ZYX: variants seen among roughly 807,000 people sequenced by gnomAD.
ZYX encodes zyxin-2.
ZYX carries 37 observed loss-of-function variants against 58.1 expected under a neutral mutation model. That is an observed-to-expected ratio of 0.64 (90% CI 0.49 to 0.84). The LOEUF (loss-of-function observed/expected upper bound fraction) is 0.84. Ranked by LOEUF, ZYX falls within the 40% of genes least tolerant of loss-of-function variation. The probability of loss-of-function intolerance (pLI) is 0.00; values close to 1 mark genes in which losing one functional copy is unlikely to be tolerated. For missense variants in ZYX, 762 were observed against 761.6 expected (o/e 1.00, Z -0.01); for synonymous variants, 324 against 321.1 (o/e 1.01, Z -0.10).
rs1804697640 is a variant in ZYX at position 143,382,989 on chromosome 7, C to A, written c.690C>A (p.Pro230=). The change falls in exon 5 of 10, where the codon CCC becomes CCA. Residue 230 remains proline, a synonymous_variant. Coordinates refer to ENST00000322764, the MANE Select transcript of ZYX (RefSeq NM_003461.5). The part of the protein sequence containing the change: ...TQFHVQPQPQ[P]KPQVQLHVQS... ...TCCATGTTCAGCCCCAGCCCCAGCC[C>A]AAGCCTCAGGTCCAACTCCATGTCC... The A allele has an allele frequency of 1.2e-6, 2 of 1,613,484 alleles. No homozygotes were observed. Among genetic ancestry groups the A allele is most frequent in the South Asian group, 2.2e-5 (2 of 91,052 alleles).
Position 143,381,666 on chromosome 7 carries a change from C to T in ZYX, c.95C>T (p.Pro32Leu). The change falls in exon 2 of 10, where the codon CCA becomes CTA. Residue 32 changes from proline to leucine, a missense_variant. Transcript: ENST00000322764. Reference protein sequence around the residue: ...PQKKFGPVVAPKPKVNPFRPG... With the variant: ...PQKKFGPVVALKPKVNPFRPG... ...AAGAAGTTCGGCCCTGTGGTGGCCC[C>T]AAAGCCCAAAGTGAATCCCTTCCGG... 2 of 1,611,738 alleles carry T rather than the reference C, an allele frequency of 1.2e-6. No individual in the cohort carries two copies. The highest frequency in any genetic ancestry group is 1.7e-6 in the Non-Finnish European group (2 of 1,179,378).
Position 143,381,591 on chromosome 7 carries a change from CT to C in ZYX, c.21del (p.Ala9ArgfsTer28). On this transcript the variant is annotated frameshift_variant, in exon 2 of 10. Coordinates refer to ENST00000322764, the MANE Select transcript of ZYX (RefSeq NM_003461.5). LOFTEE classifies it high-confidence loss of function. Reference protein sequence around the residue: MAAPRPSPAISVSVSAP... With the variant: MAAPRPXPAISVSVSAP... ...CCGGCCATGGCGGCCCCCCGCCCGT[CT>C]CCCGCGATCTCCGTTTCGGTCTCGG... 1 of 1,611,016 alleles carries C rather than the reference CT, an allele frequency of 6.2e-7. No individual in the cohort carries two copies. The highest frequency in any genetic ancestry group is 8.5e-7 in the Non-Finnish European group (1 of 1,179,020).
In ZYX at chr7:143,388,566, G is replaced by A. The variant is rs367718052; in HGVS notation, c.1222G>A (p.Ala408Thr). Reference sequence around the variant, plus strand: ...CGCTCTAGGGCAGCTGTTCCACATCGCCTGCTTCACCTGCCACCAGTGTGC... The same window carrying A: ...CGCTCTAGGGCAGCTGTTCCACATCACCTGCTTCACCTGCCACCAGTGTGC... ...VRALGQLFHI[A>T]CFTCHQCAQQ... is the part of the protein sequence containing the mutation. The change falls in exon 7 of 10, where the codon GCC becomes ACC. Residue 408 changes from alanine to threonine, a missense_variant. By Grantham distance (58) the Ala-to-Thr change is moderately conservative. Coordinates refer to ENST00000322764, the MANE Select transcript of ZYX (RefSeq NM_003461.5). This position sits in a 1 kb window ranked among gnomAD's most constrained non-coding sequence, Gnocchi z 7.5. 2 of 1,611,822 alleles carry A rather than the reference G, an allele frequency of 1.2e-6. No individual in the cohort carries two copies. The highest frequency in any genetic ancestry group is 1.1e-5 in the South Asian group (1 of 91,080).
At chr7:143,385,206 C>T (rs1402487135) in intron 5 of ZYX, among the ~76,000 whole-genome samples, 1 of 152,004 alleles carries the variant, frequency 6.6e-6, no homozygotes, top group African/African-American at 2.4e-5. Flanking sequence ...CCTGTTTGTG[C>T]CCTGTGGTGG....
In ZYX at chr7:143,390,145, C is replaced by A; in HGVS notation, c.1614+168C>A. The A allele has an allele frequency of 1.1e-6, 1 of 932,898 alleles. No individual in the cohort carries two copies. The highest frequency in any genetic ancestry group is 1.6e-6 in the Non-Finnish European group (1 of 632,562). 57.8% of individuals were successfully genotyped at this position (932,898 alleles called of 1,614,324 possible). ...TGTCCTGCCAGAATGCTTCCTGCCA[C>A]TGCAGGAAATGGGGCTGTGGGGCTT... On this transcript the variant is annotated intron_variant, in intron 9 of 9. Coordinates refer to ENST00000322764, the MANE Select transcript of ZYX (RefSeq NM_003461.5). The surrounding 1 kb of genome is among the most constrained non-coding windows in gnomAD (Gnocchi z 4.3).
At position 143,388,392 on chromosome 7, in the gene ZYX, G is replaced by A. The variant is rs1285422942; in HGVS notation, c.1144+53G>A. On this transcript the variant is annotated intron_variant, in intron 6 of 9. Transcript: ENST00000322764. The surrounding 1 kb of genome is among the most constrained non-coding windows in gnomAD (Gnocchi z 7.5). Reference sequence around the variant, plus strand: ...ACCCTGCCCCCACATCACGGTGGGGGCCAGGGCTGTGGCTCCACTCCCTAT... The same window carrying A: ...ACCCTGCCCCCACATCACGGTGGGGACCAGGGCTGTGGCTCCACTCCCTAT... 19 of 1,610,146 alleles carry A rather than the reference G, an allele frequency of 1.2e-5. No individual in the cohort carries two copies. The South Asian group carries it at 1.6e-4, about 14-fold the overall frequency.
intron 2 of ZYX, 77 bp downstream of exon 2, chr7:143,381,856 T>C (rs1358571284): frequency 7.3e-7 from 1 of 1,368,138 alleles, no homozygotes; most frequent in Admixed American, 2.8e-5. Flanking sequence ...TTTGGGGATG[T>C]CTGGAAAGGT....
rs1007149274 is a variant in ZYX at position 143,381,471 on chromosome 7, G to A, written c.-16+62G>A. 49 of 1,348,016 alleles carry A rather than the reference G, an allele frequency of 3.6e-5. 1 individual carries two copies. Among genetic ancestry groups the A allele is most frequent in the Non-Finnish European group, 4.5e-5 (47 of 1,045,912 alleles). The allele number at this position is 1,348,016 out of a possible 1,614,324, so 83.5% of individuals were successfully genotyped here. A position where few individuals can be genotyped will look rare whatever the true frequency, so the allele number is the denominator to read the frequency against. On this transcript the variant is annotated intron_variant, in intron 1 of 9. Transcript: ENST00000322764. ...AGGGGGCGCGGGGCGCCGGGAGGGG[G>A]CGAGTGGGGGTCACCAAGGGGAGCT...
Position 143,390,429 on chromosome 7 carries a change from G to A in ZYX, c.1615-149G>A, listed in dbSNP as rs1805028965. 3.1e-6 allele frequency: 2 copies of A among 648,952 alleles called. No individual in the cohort carries two copies. Among genetic ancestry groups the A allele is most frequent in the Non-Finnish European group, 2.7e-6 (1 of 367,674 alleles). The allele number at this position is 648,952 out of a possible 1,614,324, so 40.2% of individuals were successfully genotyped here. A position where few individuals can be genotyped will look rare whatever the true frequency, so the allele number is the denominator to read the frequency against. ...TGACTGGAAGTAGGATAGGGATGGG[G>A]AGTTGGGTGTGGCTGGAAAAAGCGA... is the stretch of plus-strand genomic sequence containing the variant. On this transcript the variant is annotated intron_variant, in intron 9 of 9. Coordinates refer to ENST00000322764, the MANE Select transcript of ZYX (RefSeq NM_003461.5). This position sits in a 1 kb window ranked among gnomAD's most constrained non-coding sequence, Gnocchi z 4.3.
Position 143,388,925 on chromosome 7 carries a change from C to T in ZYX, c.1473C>T (p.His491=), listed in dbSNP as rs928452167. Residue 491 remains histidine (H), a synonymous_variant, in exon 8 of 10, where the codon CAC becomes CAT. Coordinates refer to ENST00000322764, the MANE Select transcript of ZYX (RefSeq NM_003461.5). The surrounding 1 kb of genome is among the most constrained non-coding windows in gnomAD (Gnocchi z 7.5). ...SFIVDQANRP[H]CVPDYHKQYA... ...TCGTGGACCAGGCCAACCGGCCCCA[C>T]TGTGTCCCCGACTACCACAAGTGAG... 2 of 1,611,330 alleles carry T rather than the reference C, an allele frequency of 1.2e-6. No homozygotes were observed. The highest frequency in any genetic ancestry group is 1.1e-5 in the South Asian group (1 of 90,910).
At chr7:143,381,852 G>A in intron 2 of ZYX, 73 bp downstream of exon 2, 3 of 1,391,276 alleles carry the variant, frequency 2.2e-6, no homozygotes, top group Non-Finnish European at 2.9e-6. Context: ...GGAATTTGGG[G>A]ATGTCTGGAA....
rs908288528 is a variant in ZYX at position 143,389,605 on chromosome 7, G to A, written c.1494-252G>A. Among the ~76,000 whole-genome samples the A allele has an allele frequency of 1.3e-5, 2 of 152,168 alleles. No individual in the cohort carries two copies. Among genetic ancestry groups the A allele is most frequent in the Admixed American group, 6.5e-5 (1 of 15,276 alleles). On this transcript the variant is annotated intron_variant, in intron 8 of 9. Transcript: ENST00000322764. This position sits in a 1 kb window ranked among gnomAD's most constrained non-coding sequence, Gnocchi z 5.6. ...CAGTGTGAATGGGACAGTAAGGGTC[G>A]AGTGGGAGAGAACACCGTGGCAGGT... is the stretch of plus-strand genomic sequence containing the variant.
rs766575637 is a variant in ZYX at position 143,382,340 on chromosome 7, G to A, written c.301G>A (p.Glu101Lys). ...CTTCCCGCCGCCCCCTCCCCCGATC[G>A]AGGAATCATTTCCCCCTGCGCCTCT... ...GAFPPPPPPIEESFPPAPLEE... is the reference protein window; with the variant it reads ...GAFPPPPPPIKESFPPAPLEE... The change falls in exon 3 of 10, where the codon GAG (glutamate) becomes AAG (lysine). Residue 101 changes from glutamate to lysine, a missense_variant. By Grantham distance (56) the Glu-to-Lys change is moderately conservative. Coordinates refer to ENST00000322764, the MANE Select transcript of ZYX (RefSeq NM_003461.5). 1 of 1,605,482 alleles carries A rather than the reference G, an allele frequency of 6.2e-7. No homozygotes were observed. The highest frequency in any genetic ancestry group is 1.7e-4 in the Middle Eastern group (1 of 6,018).
In ZYX at chr7:143,390,868, G is replaced by C; in HGVS notation, c.*186G>C. ...TCTAGGGATGCAGGATCCCCGCCCT[G>C]GGGTCTGGTCCTCGCCCATCCTGCA... On this transcript the variant is annotated 3_prime_UTR_variant, in exon 10 of 10. Coordinates refer to ENST00000322764, the MANE Select transcript of ZYX (RefSeq NM_003461.5). This position sits in a 1 kb window ranked among gnomAD's most constrained non-coding sequence, Gnocchi z 4.3. The C allele has an allele frequency of 1.7e-6, 1 of 587,630 alleles. No homozygotes were observed. The highest frequency in any genetic ancestry group is 2.8e-5 in the Admixed American group (1 of 35,238). 36.4% of individuals were successfully genotyped at this position (587,630 alleles called of 1,614,324 possible).
rs762325084 is a variant in ZYX at position 143,382,331 on chromosome 7, C to T, written c.292C>T (p.Pro98Ser). The change falls in exon 3 of 10, where the codon CCC becomes TCC. Residue 98 changes from proline (P) to serine (S), a missense_variant. Coordinates refer to ENST00000322764, the MANE Select transcript of ZYX (RefSeq NM_003461.5). ...GGGAGGTGCCTTCCCGCCGCCCCCT[C>T]CCCCGATCGAGGAATCATTTCCCCC... ...ALGGAFPPPPPPIEESFPPAP... is the reference protein window; with the variant it reads ...ALGGAFPPPPSPIEESFPPAP... 1 of 1,607,250 alleles carries T rather than the reference C, an allele frequency of 6.2e-7. No homozygotes were observed. The highest frequency in any genetic ancestry group is 8.5e-7 in the Non-Finnish European group (1 of 1,176,182).
chr7:143,382,098 C>T, intron 2 of ZYX, 150 bp from the exon 3 acceptor site: 1 of 684,568 alleles, frequency 1.5e-6, no homozygotes, highest in Non-Finnish European at 2.4e-6. Flanking sequence ...CCTGGTACTC[C>T]CAGGGCGCCC....
Position 143,388,994 on chromosome 7 carries a change from T to G in ZYX, c.1493+49T>G. ...TGGGTTCCCGGCGTGCTTGGTCTGG[T>G]AGCCCGGCTGCTTGCTACCCTAGCC... On this transcript the variant is annotated intron_variant, in intron 8 of 9. Coordinates refer to ENST00000322764, the MANE Select transcript of ZYX (RefSeq NM_003461.5). This position sits in a 1 kb window ranked among gnomAD's most constrained non-coding sequence, Gnocchi z 7.5. The G allele has an allele frequency of 6.4e-7, 1 of 1,566,960 alleles. No homozygotes were observed. Among genetic ancestry groups the G allele is most frequent in the Non-Finnish European group, 8.6e-7 (1 of 1,156,434 alleles).
At chr7:143,386,631 C>T (rs1279654191) in intron 5 of ZYX, among the ~76,000 whole-genome samples, 2 of 145,368 alleles carry the variant, frequency 1.4e-5, no homozygotes, top group Non-Finnish European at 3.0e-5. Flanking sequence ...TGCAGGTGCC[C>T]GGAGGGACAG....
At position 143,381,625 on chromosome 7, in the gene ZYX, T is replaced by G. The variant is rs775634633; in HGVS notation, c.54T>G (p.Ala18=). The G allele has an allele frequency of 3.3e-5, 53 of 1,612,040 alleles. 2 individuals carry two copies. The South Asian group carries it at 5.8e-4, about 18-fold the overall frequency. The change falls in exon 2 of 10, where the codon GCT becomes GCG. Residue 18 remains alanine (A), a synonymous_variant. Transcript: ENST00000322764. The part of the protein sequence containing the change: ...PAISVSVSAP[A]FYAPQKKFGP... Reference sequence around the variant, plus strand: ...TCTCCGTTTCGGTCTCGGCTCCGGCTTTTTACGCCCCGCAGAAGAAGTTCG... The same window carrying G: ...TCTCCGTTTCGGTCTCGGCTCCGGCGTTTTACGCCCCGCAGAAGAAGTTCG...
Sources: gnomAD v4.1 joint callset for allele counts (sites outside exome capture counted in the v4.1 genomes callset) on GRCh38, gnomAD v4.1.1 for gene constraint, Gnocchi (gnomAD v3.1) non-coding constraint, MANE v1.5 for transcripts, NCBI Gene and HGNC (gene_info 2026-07-23, HGNC 2026-07-21) for gene names.